Variants in RORA observed in about 807,000 individuals in gnomAD.
RORA encodes nuclear receptor ROR-alpha.
A neutral mutation model predicts 69.5 loss-of-function variants in RORA; 7 were observed. That is an observed-to-expected ratio of 0.10 (90% confidence interval 0.06 to 0.19). RORA has a LOEUF of 0.19. Ranked by LOEUF, RORA falls within the 10% of genes least tolerant of loss-of-function variation. The pLI, the probability that RORA is intolerant of heterozygous loss-of-function variation, is 1.00. For missense variants in RORA, 457 were observed against 663.0 expected (o/e 0.69, Z 3.41); for synonymous variants, 261 against 240.8 (o/e 1.08, Z -0.78).
intron 1 of RORA, among the ~76,000 whole-genome samples, chr15:60,970,460 G>C (rs988733905): frequency 6.6e-6 from 1 of 152,148 alleles, no homozygotes. Flanking sequence ...TGAGGTCCTG[G>C]GGATATAGAA....
rs750005205 is a variant in RORA at position 60,503,611 on chromosome 15, A to G, written c.999T>C (p.Tyr333=). The G allele has an allele frequency of 1.2e-6, 2 of 1,614,014 alleles. No homozygotes were observed. Residue 333 remains tyrosine, a synonymous_variant, in exon 7 of 11, where the codon TAT becomes TAC. Transcript: ENST00000335670. ...CAATGCGTTTGGCAAACTCCACCACATACTGTATAGCTTCTGTAATTTTGA... is the reference window on the plus strand; with the variant it reads ...CAATGCGTTTGGCAAACTCCACCACGTACTGTATAGCTTCTGTAATTTTGA... ...CAIKITEAIQ[Y]VVEFAKRIDG...
intron 1 of RORA, among the ~76,000 whole-genome samples, chr15:61,050,278 A>C (rs914701278): frequency 1.3e-5 from 2 of 152,180 alleles, no homozygotes; most frequent in African/African-American, 4.8e-5. Flanking sequence ...ACAAAGTCTA[A>C]AATATTTACT....
chr15:60,718,165 A>C (rs1376771417), intron 1 of RORA, among the ~76,000 whole-genome samples: 4 of 152,180 alleles, frequency 2.6e-5, no homozygotes, highest in Admixed American at 1.3e-4. Flanking sequence ...GGCATAATAA[A>C]ATTAGTTCAA....
At chr15:61,049,353 C>G (rs771360609) in intron 1 of RORA, among the ~76,000 whole-genome samples, 4 of 152,150 alleles carry the variant, frequency 2.6e-5, no homozygotes, top group Non-Finnish European at 5.9e-5. Flanking sequence ...GCATGAGGCT[C>G]GTTTCTGATG....
chr15:61,169,833 T>C (rs1053885372), intron 1 of RORA, among the ~76,000 whole-genome samples: 6 of 152,062 alleles, frequency 3.9e-5, no homozygotes, highest in Admixed American at 2.6e-4. Context: ...AAAAATTCAT[T>C]GGATTTCATC....
chr15:60,872,130 G>A (rs2073563459), intron 1 of RORA, among the ~76,000 whole-genome samples: 1 of 138,188 alleles, frequency 7.2e-6, no homozygotes, highest in Non-Finnish European at 1.6e-5. Context: ...ATAAGCACTA[G>A]TCTAAGAGGT....
intron 1 of RORA, among the ~76,000 whole-genome samples, chr15:61,059,988 G>GGAAGAAGAAGAAGAAGAAGAAGAAGAA (rs71122901): frequency 5.5e-4 from 47 of 85,936 alleles, no homozygotes; most frequent in East Asian, 2.5e-3. Flanking sequence ...AAGAGGAAGA[G>GGAAGAAGAAGAAGAAGAAGAAGAAGAA]GAAGAAGAAG....
At chr15:60,855,712 C>T (rs2073372422) in intron 1 of RORA, among the ~76,000 whole-genome samples, 1 of 152,052 alleles carries the variant, frequency 6.6e-6, no homozygotes, top group South Asian at 2.1e-4. Context: ...CCTCCGCCTC[C>T]CGGATTTAAG....
At chr15:60,666,166 ATTTTT>A (rs142176178) in intron 2 of RORA, among the ~76,000 whole-genome samples, 1 of 135,556 alleles carries the variant, frequency 7.4e-6, no homozygotes. Context: ...TACAAAGATA[ATTTTT>A]TTTTTTTTTT....
intron 1 of RORA, among the ~76,000 whole-genome samples, chr15:60,972,200 A>T (rs1893737739): frequency 6.6e-6 from 1 of 152,208 alleles, no homozygotes; most frequent in African/African-American, 2.4e-5. Flanking sequence ...TTAAGGGTAG[A>T]TTGGATTTGC....
chr15:61,149,179 C>T (rs1310106667), intron 1 of RORA, among the ~76,000 whole-genome samples: 3 of 152,212 alleles, frequency 2.0e-5, no homozygotes, highest in Admixed American at 2.0e-4. Flanking sequence ...TCCTCGCCAG[C>T]TTCCACCAGA....
intron 1 of RORA, among the ~76,000 whole-genome samples, chr15:61,211,233 T>C (rs545793420): frequency 4.2e-4 from 61 of 143,996 alleles, no homozygotes; most frequent in Admixed American, 8.6e-4. Context: ...TCTGAGTGTA[T>C]AACTGGAAGG....
chr15:60,594,096 T>C (rs537738302), intron 2 of RORA, among the ~76,000 whole-genome samples: 36 of 151,872 alleles, frequency 2.4e-4, no homozygotes, highest in Middle Eastern at 3.4e-3. Flanking sequence ...TAAAGATTTT[T>C]CCCCCAAAAA....
intron 1 of RORA, among the ~76,000 whole-genome samples, chr15:61,018,122 C>T (rs1336427453): frequency 1.3e-5 from 2 of 152,156 alleles, no homozygotes; most frequent in Non-Finnish European, 2.9e-5. Flanking sequence ...ACTTTGTTAG[C>T]CCCTTATAAT....
intron 1 of RORA, among the ~76,000 whole-genome samples, chr15:61,221,759 A>C (rs2080099062): frequency 6.6e-6 from 1 of 152,144 alleles, no homozygotes; most frequent in Non-Finnish European, 1.5e-5. Flanking sequence ...TGGCTTGAGG[A>C]TCCTATACTA....
At chr15:60,540,463 C>A (rs1448484060) in intron 2 of RORA, among the ~76,000 whole-genome samples, 1 of 151,606 alleles carries the variant, frequency 6.6e-6, no homozygotes, top group East Asian at 1.9e-4. Flanking sequence ...ACGAGAAAAC[C>A]ACTCCACTTT....
chr15:60,582,618 G>T (rs1567104201), intron 2 of RORA, among the ~76,000 whole-genome samples: 1 of 152,180 alleles, frequency 6.6e-6, no homozygotes, highest in Non-Finnish European at 1.5e-5. Context: ...AAGTGAGGGT[G>T]TTGGGCTTCA....
At chr15:60,742,902 C>T (rs1392035331) in intron 1 of RORA, among the ~76,000 whole-genome samples, 1 of 151,690 alleles carries the variant, frequency 6.6e-6, no homozygotes, top group Non-Finnish European at 1.5e-5. Flanking sequence ...TTGATGGACA[C>T]TTAGGTTGAT....
intron 1 of RORA, among the ~76,000 whole-genome samples, chr15:61,024,270 C>CTTT (rs34008494): frequency 0.023 from 1,849 of 79,296 alleles, 97 homozygotes; most frequent in East Asian, 0.027. Context: ...TCTTGGATCT[C>CTTT]TTTTTTTTTT....
Sources: gnomAD v4.1 joint callset for allele counts (sites outside exome capture counted in the v4.1 genomes callset) on GRCh38, gnomAD v4.1.1 for gene constraint, MANE v1.5 for transcripts, NCBI Gene and HGNC (gene_info 2026-07-23, HGNC 2026-07-21) for gene names.